Variants in PABPC4L observed in about 807,000 individuals in gnomAD.
PABPC4L encodes the protein poly(A) binding protein cytoplasmic 4 like, also known as polyadenylate-binding protein 4-like.
For synonymous variants in PABPC4L, 169 were observed against 164.1 expected, an observed-to-expected ratio of 1.03 and a Z score of -0.23; for missense variants, 452 against 451.4, an observed-to-expected ratio of 1.00 and a Z score of -0.01.
At chr4:134,100,537 G>T in the PABPC4L span, among the ~76,000 whole-genome samples, 1 of 151,596 alleles carries the variant, frequency 6.6e-6, no homozygotes, top group East Asian at 1.9e-4. Context: ...CTGAGTGCAT[G>T]AATACAATAA....
the PABPC4L span, among the ~76,000 whole-genome samples, chr4:134,012,762 A>C: frequency 6.6e-6 from 1 of 152,174 alleles, no homozygotes; most frequent in Non-Finnish European, 1.5e-5. Flanking sequence ...CACCAATTTC[A>C]AATCCGGTAA....
the PABPC4L span, among the ~76,000 whole-genome samples, chr4:134,052,475 C>G: frequency 6.6e-6 from 1 of 152,088 alleles, no homozygotes; most frequent in East Asian, 1.9e-4. Context: ...TAATCTTTCA[C>G]TTTTGAATTT....
the PABPC4L span, among the ~76,000 whole-genome samples, chr4:133,967,539 G>C: frequency 1.3e-5 from 2 of 152,096 alleles, no homozygotes; most frequent in Non-Finnish European, 2.9e-5. Flanking sequence ...AGAGACCTCA[G>C]AACAATGAAG....
At chr4:134,006,797 A>G in the PABPC4L span, among the ~76,000 whole-genome samples, 1 of 151,760 alleles carries the variant, frequency 6.6e-6, no homozygotes, top group Non-Finnish European at 1.5e-5. Flanking sequence ...TAAATCTTTT[A>G]TTTGGTTCAA....
chr4:134,084,509 AG>A, the PABPC4L span, among the ~76,000 whole-genome samples: 4 of 152,162 alleles, frequency 2.6e-5, no homozygotes, highest in African/African-American at 9.7e-5. Flanking sequence ...TTTAAAAAAA[AG>A]ATTATTTAGA....
chr4:134,001,525 C>A, the PABPC4L span, among the ~76,000 whole-genome samples: 1 of 151,954 alleles, frequency 6.6e-6, no homozygotes, highest in Non-Finnish European at 1.5e-5. Flanking sequence ...ACAGAAATAA[C>A]CCAGTCTAGA....
the PABPC4L span, among the ~76,000 whole-genome samples, chr4:134,050,914 A>C: frequency 1.4e-5 from 2 of 145,898 alleles, no homozygotes; most frequent in East Asian, 2.0e-4. Context: ...CTGTGTACCC[A>C]CATTTGGAAA....
the PABPC4L span, among the ~76,000 whole-genome samples, chr4:133,975,268 A>G: frequency 6.6e-6 from 1 of 152,172 alleles, no homozygotes; most frequent in African/African-American, 2.4e-5. Context: ...TTCCATTTAC[A>G]TAAATCTCCA....
chr4:134,165,489 C>T, the PABPC4L span, among the ~76,000 whole-genome samples: 5 of 152,028 alleles, frequency 3.3e-5, no homozygotes, highest in African/African-American at 1.2e-4. Flanking sequence ...CACGAGTAGA[C>T]ATTTTTCAAA....
the PABPC4L span, among the ~76,000 whole-genome samples, chr4:134,122,286 T>A: frequency 6.6e-6 from 1 of 151,922 alleles, no homozygotes; most frequent in African/African-American, 2.4e-5. Flanking sequence ...CTGTATTGCC[T>A]CACAGAATAT....
At chr4:134,145,103 T>C in the PABPC4L span, among the ~76,000 whole-genome samples, 1 of 151,762 alleles carries the variant, frequency 6.6e-6, no homozygotes, top group Non-Finnish European at 1.5e-5. Flanking sequence ...TACTTAATTA[T>C]AGGTTGGTGC....
the PABPC4L span, among the ~76,000 whole-genome samples, chr4:134,126,539 A>T: frequency 6.6e-6 from 1 of 152,108 alleles, no homozygotes; most frequent in Non-Finnish European, 1.5e-5. Context: ...TATCAGAGGC[A>T]TTTAGATGTA....
At chr4:133,998,468 AT>A in the PABPC4L span, among the ~76,000 whole-genome samples, 1 of 151,834 alleles carries the variant, frequency 6.6e-6, no homozygotes, top group East Asian at 1.9e-4. Flanking sequence ...TATTGCAAAA[AT>A]AAAAATCTCT....
At chr4:134,049,107 G>T in the PABPC4L span, among the ~76,000 whole-genome samples, 17 of 152,126 alleles carry the variant, frequency 1.1e-4, no homozygotes, top group African/African-American at 4.1e-4. Context: ...ACTGGTATCT[G>T]ATCCCAAACT....
chr4:134,011,611 AT>A, the PABPC4L span, among the ~76,000 whole-genome samples: 1 of 152,136 alleles, frequency 6.6e-6, no homozygotes, highest in African/African-American at 2.4e-5. Flanking sequence ...ATAATTATGA[AT>A]ACGATTATTT....
chr4:134,158,323 T>C, the PABPC4L span, among the ~76,000 whole-genome samples: 1 of 152,054 alleles, frequency 6.6e-6, no homozygotes, highest in Non-Finnish European at 1.5e-5. Context: ...TATCTGTTAG[T>C]CATTTCTCTA....
At chr4:134,074,951 C>A in the PABPC4L span, among the ~76,000 whole-genome samples, 8 of 152,074 alleles carry the variant, frequency 5.3e-5, no homozygotes, top group Non-Finnish European at 5.9e-5. Context: ...TGGGTGGGGA[C>A]ACAACCAAGC....
the PABPC4L span, among the ~76,000 whole-genome samples, chr4:134,038,408 T>C: frequency 1.3e-5 from 2 of 152,164 alleles, no homozygotes; most frequent in Non-Finnish European, 2.9e-5. Flanking sequence ...CACCAGCTCC[T>C]CTTTGTACCT....
chr4:134,150,714 C>A, the PABPC4L span, among the ~76,000 whole-genome samples: 1 of 152,130 alleles, frequency 6.6e-6, no homozygotes, highest in African/African-American at 2.4e-5. Context: ...AAACCTCCCC[C>A]ACCCTTGGCA....
Sources: allele counts gnomAD v4.1 joint callset (sites outside exome capture counted in the v4.1 genomes callset), GRCh38; gene constraint gnomAD v4.1.1; transcripts MANE v1.5; gene names NCBI Gene and HGNC (gene_info 2026-07-23, HGNC 2026-07-21).